Variants in NTM observed in about 807,000 individuals in gnomAD.
NTM encodes the protein neurotrimin, also known as IgLON family member 2.
NTM carries 13 observed loss-of-function variants against 42.1 expected under a neutral mutation model. The ratio of observed to expected loss-of-function variants is 0.31; its 90% CI spans 0.20 to 0.49. NTM has a LOEUF of 0.49. Ranked by LOEUF, NTM falls within the 20% of genes least tolerant of loss-of-function variation. The pLI is 0.99. For synonymous variants in NTM, 187 were observed against 179.2 expected (o/e 1.04, Z -0.35); for missense variants, 373 against 452.8 (o/e 0.82, Z 1.60).
At chr11:131,948,804 T>A (rs2060660764) in intron 2 of NTM, among the ~76,000 whole-genome samples, 1 of 152,194 alleles carries the variant, frequency 6.6e-6, no homozygotes, top group Admixed American at 6.5e-5. Context: ...TCCATATATT[T>A]TTAGGTTTGT....
At chr11:132,298,741 G>A (rs560368137) in intron 4 of NTM, among the ~76,000 whole-genome samples, 5 of 152,250 alleles carry the variant, frequency 3.3e-5, no homozygotes, top group South Asian at 4.1e-4. Context: ...TTGTTTCTAC[G>A]TATCTATAAA....
At chr11:131,586,128 C>G (rs2058835900) in intron 1 of NTM, among the ~76,000 whole-genome samples, 1 of 151,700 alleles carries the variant, frequency 6.6e-6, no homozygotes, top group Admixed American at 6.6e-5. Flanking sequence ...TTTTTGGATA[C>G]AGGTTCTCTC....
chr11:131,371,250 A>C (rs551893100), intron 1 of NTM, among the ~76,000 whole-genome samples: 1 of 152,340 alleles, frequency 6.6e-6, no homozygotes, highest in East Asian at 1.9e-4. Context: ...AGGGTTGCTA[A>C]TGTGTTGCTT....
intron 2 of NTM, among the ~76,000 whole-genome samples, chr11:131,976,074 T>A (rs1044562672): frequency 3.3e-5 from 5 of 151,930 alleles, no homozygotes; most frequent in Admixed American, 3.3e-4. Flanking sequence ...ATTGGTGCAG[T>A]TTGATGGTCC....
At chr11:132,244,708 G>A (rs2090797400) in intron 4 of NTM, among the ~76,000 whole-genome samples, 1 of 152,134 alleles carries the variant, frequency 6.6e-6, no homozygotes, top group Non-Finnish European at 1.5e-5. Flanking sequence ...TATTCACAAC[G>A]CAGGTGCACA....
chr11:132,099,454 T>C (rs2061387491), intron 2 of NTM, among the ~76,000 whole-genome samples: 1 of 152,220 alleles, frequency 6.6e-6, no homozygotes, highest in African/African-American at 2.4e-5. Flanking sequence ...AATCATTCCA[T>C]TGATTTCATG....
intron 1 of NTM, among the ~76,000 whole-genome samples, chr11:131,697,808 G>A (rs1442872184): frequency 6.6e-6 from 1 of 152,122 alleles, no homozygotes; most frequent in Admixed American, 6.5e-5. Flanking sequence ...AAGAAGGTGT[G>A]GTTTGTGATT....
intron 1 of NTM, among the ~76,000 whole-genome samples, chr11:131,612,882 G>T (rs2061575508): frequency 6.6e-6 from 1 of 152,198 alleles, no homozygotes; most frequent in South Asian, 2.1e-4. Context: ...TGGCCTGGTT[G>T]TCATCGCTCC....
intron 2 of NTM, among the ~76,000 whole-genome samples, chr11:132,026,699 G>A (rs530134714): frequency 4.6e-5 from 7 of 152,274 alleles, no homozygotes; most frequent in African/African-American, 1.7e-4. Flanking sequence ...AATTATTTTT[G>A]CTGTGGTTTT....
At chr11:132,070,366 T>C (rs1185938020) in intron 2 of NTM, among the ~76,000 whole-genome samples, 62 of 132,062 alleles carry the variant, frequency 4.7e-4, no homozygotes, top group Admixed American at 3.1e-4. Context: ...AAACTGACCA[T>C]CACAGGTTAG....
chr11:131,601,568 C>G (rs1421100232), intron 1 of NTM, among the ~76,000 whole-genome samples: 1 of 151,830 alleles, frequency 6.6e-6, no homozygotes, highest in East Asian at 1.9e-4. Flanking sequence ...ATGCTCCCAC[C>G]TCAAACCCCC....
chr11:132,176,621 T>C (rs1011420077), intron 3 of NTM, among the ~76,000 whole-genome samples: 1 of 152,054 alleles, frequency 6.6e-6, no homozygotes. Flanking sequence ...CCTCTCAGAT[T>C]ATGCTTGACA....
At chr11:132,309,915 G>A (rs941217615) in intron 5 of NTM, 197 bp from the exon 6 acceptor site, 3 of 267,506 alleles carry the variant, frequency 1.1e-5, no homozygotes, top group Non-Finnish European at 1.7e-5. Flanking sequence ...AATTAGGCAG[G>A]CATGGTGCCG....
At chr11:131,713,098 C>CAT (rs2135320455) in intron 1 of NTM, among the ~76,000 whole-genome samples, 1 of 152,138 alleles carries the variant, frequency 6.6e-6, no homozygotes, top group Non-Finnish European at 1.5e-5. Flanking sequence ...CATAGAACAA[C>CAT]ATAAGGCTAG....
intron 1 of NTM, among the ~76,000 whole-genome samples, chr11:131,567,758 T>C (rs1022008522): frequency 6.6e-6 from 1 of 152,224 alleles, no homozygotes; most frequent in Admixed American, 6.5e-5. Context: ...CCCCAAATTA[T>C]TTCACAAAGA....
At chr11:132,323,489 C>G (rs2095614721) in intron 7 of NTM, among the ~76,000 whole-genome samples, 1 of 151,414 alleles carries the variant, frequency 6.6e-6, no homozygotes, top group African/African-American at 2.4e-5. Context: ...GAAGTTGAAT[C>G]TCTGAATAGA....
intron 1 of NTM, among the ~76,000 whole-genome samples, chr11:131,681,629 G>A (rs1338701501): frequency 1.8e-5 from 1 of 56,002 alleles, no homozygotes; most frequent in Non-Finnish European, 4.8e-5. Flanking sequence ...CTCCCTGTGT[G>A]TGTGAGCGTG....
chr11:132,207,120 C>T (rs779024261), intron 3 of NTM, among the ~76,000 whole-genome samples: 4 of 152,178 alleles, frequency 2.6e-5, no homozygotes, highest in Non-Finnish European at 5.9e-5. Flanking sequence ...GTCTCCAAAC[C>T]TCAGGCCACA....
At chr11:131,944,789 G>A (rs938523659) in intron 2 of NTM, among the ~76,000 whole-genome samples, 2 of 152,200 alleles carry the variant, frequency 1.3e-5, no homozygotes, top group Non-Finnish European at 2.9e-5. Flanking sequence ...CACACTCAAA[G>A]GGGTGTCGTG....
Sources: gnomAD v4.1 joint callset for allele counts (sites outside exome capture counted in the v4.1 genomes callset) on GRCh38, gnomAD v4.1.1 for gene constraint, MANE v1.5 for transcripts, NCBI Gene and HGNC (gene_info 2026-07-23, HGNC 2026-07-21) for gene names.